The following VAV3 variants were observed in gnomAD, a reference collection of about 807,000 sequenced individuals.
The protein encoded by VAV3 is guanine nucleotide exchange factor VAV3.
Under a neutral mutation model 131.2 loss-of-function variants are expected in VAV3, and 94 were observed. The ratio of observed to expected loss-of-function variants is 0.72; its 90% CI spans 0.61 to 0.85. VAV3 has a LOEUF of 0.85. VAV3 is among the 40% of genes least tolerant of loss of function. The pLI, the probability that VAV3 is intolerant of heterozygous loss-of-function variation, is 0.00. For missense variants in VAV3, 939 were observed against 1,002.7 expected, an observed-to-expected ratio of 0.94 and a Z score of 0.86; for synonymous variants, 349 against 342.0, an observed-to-expected ratio of 1.02 and a Z score of -0.22.
chr1:107,950,678 G>A (rs1365487099), intron 1 of VAV3, among the ~76,000 whole-genome samples: 1 of 152,172 alleles, frequency 6.6e-6, no homozygotes, highest in Admixed American at 6.5e-5. Context: ...CTAGGAGTCA[G>A]GTGACTGGCA....
At chr1:107,834,552 A>C (rs1571017362) in intron 2 of VAV3, among the ~76,000 whole-genome samples, 1 of 151,980 alleles carries the variant, frequency 6.6e-6, no homozygotes, top group Non-Finnish European at 1.5e-5. Flanking sequence ...GCTCACATGG[A>C]ATAGTCATCA....
At chr1:107,798,523 T>G (rs1361678909) in intron 2 of VAV3, among the ~76,000 whole-genome samples, 1 of 151,646 alleles carries the variant, frequency 6.6e-6, no homozygotes, top group Non-Finnish European at 1.5e-5. Flanking sequence ...TCGAGACCAT[T>G]CTGGCTAACA....
chr1:107,657,924 C>T (rs1048894090), intron 19 of VAV3, among the ~76,000 whole-genome samples: 3 of 152,124 alleles, frequency 2.0e-5, no homozygotes, highest in Non-Finnish European at 2.9e-5. Context: ...GCTATTAGTA[C>T]AGCCATACGA....
At chr1:107,937,758 T>C (rs966056915) in intron 1 of VAV3, among the ~76,000 whole-genome samples, 2 of 152,234 alleles carry the variant, frequency 1.3e-5, no homozygotes, top group African/African-American at 2.4e-5. Context: ...TCTAAGACTC[T>C]GGTTAAGGCT....
chr1:107,884,405 TTTATTATTATTATTATTATTATTATTA>T (rs140793122), intron 1 of VAV3, among the ~76,000 whole-genome samples: 84 of 141,700 alleles, frequency 5.9e-4, no homozygotes, highest in Non-Finnish European at 1.1e-3. Context: ...AAATAAATTA[TTTATTATTATTATTATTATTATTATTA>T]TTATTATTAT....
At chr1:107,831,287 A>G (rs1668238698) in intron 2 of VAV3, among the ~76,000 whole-genome samples, 1 of 152,238 alleles carries the variant, frequency 6.6e-6, no homozygotes, top group Non-Finnish European at 1.5e-5. Flanking sequence ...TCTCTATACA[A>G]TAATACCAAT....
chr1:107,780,141 C>T (rs1032692034), intron 2 of VAV3, among the ~76,000 whole-genome samples: 1 of 152,214 alleles, frequency 6.6e-6, no homozygotes, highest in South Asian at 2.1e-4. Flanking sequence ...AAATACTTAA[C>T]TTCTCTGAGC....
intron 1 of VAV3, among the ~76,000 whole-genome samples, chr1:107,904,855 T>C (rs950146612): frequency 6.6e-6 from 1 of 152,178 alleles, no homozygotes; most frequent in African/African-American, 2.4e-5. Flanking sequence ...ATATTCAATA[T>C]TGATAAATGC....
At chr1:107,853,483 C>A (rs1232535832) in intron 2 of VAV3, among the ~76,000 whole-genome samples, 1 of 151,888 alleles carries the variant, frequency 6.6e-6, no homozygotes, top group Admixed American at 6.6e-5. Context: ...TTTTGAGATA[C>A]ACAAGTTTTC....
Position 107,964,953 on chromosome 1 carries a change from C to T in VAV3, c.-84G>A. ...CGCCGCCGCCGCGGTTCCTCCGCGCCCCGCCGACGCCAACAGCCGCCGGCC... is the reference window on the plus strand; with the variant it reads ...CGCCGCCGCCGCGGTTCCTCCGCGCTCCGCCGACGCCAACAGCCGCCGGCC... On this transcript the variant is annotated 5_prime_UTR_variant, in exon 1 of 27. Coordinates refer to ENST00000370056, the MANE Select transcript of VAV3 (RefSeq NM_006113.5). 8.8e-7 allele frequency: 1 copy of T among 1,136,108 alleles called. No homozygotes were observed. The highest frequency in any genetic ancestry group is 1.1e-6 in the Non-Finnish European group (1 of 904,616). 70.4% of individuals were successfully genotyped at this position (1,136,108 alleles called of 1,614,324 possible). A position where few individuals can be genotyped will look rare whatever the true frequency, so the allele number is the denominator to read the frequency against.
intron 23 of VAV3, 127 bp downstream of exon 23, chr1:107,602,920 G>C (rs770231511): frequency 7.1e-6 from 5 of 700,322 alleles, no homozygotes; most frequent in African/African-American, 1.8e-5. Context: ...TGAACTGTCT[G>C]GATAGATGCA....
chr1:107,576,571 A>C lies in VAV3; in HGVS notation c.2351-2373T>G, dbSNP rs181647393. 7.0e-5 allele frequency: 72 copies of C among 1,030,784 alleles called. No homozygotes were observed. The African/African-American group carries it at 1.1e-3, about 16-fold the overall frequency. 63.9% of individuals were successfully genotyped at this position (1,030,784 alleles called of 1,614,324 possible). On this transcript the variant is annotated intron_variant, in intron 25 of 26. Transcript: ENST00000370056. Reference sequence around the variant, plus strand: ...CATTTTCACCCACTTCTTTCCTATCACCATTTCTAAATGAAGAACAAGCCA... The same window carrying C: ...CATTTTCACCCACTTCTTTCCTATCCCCATTTCTAAATGAAGAACAAGCCA...
chr1:107,619,447 C>A (rs1391859630), intron 20 of VAV3, among the ~76,000 whole-genome samples: 1 of 152,054 alleles, frequency 6.6e-6, no homozygotes, highest in Non-Finnish European at 1.5e-5. Context: ...CAGTGAGATA[C>A]AAGTAAATAA....
In VAV3 at chr1:107,712,009, G is replaced by A. The variant is rs1003553472; in HGVS notation, c.1503-6948C>T. Among the ~76,000 whole-genome samples the A allele has an allele frequency of 1.2e-4, 19 of 152,012 alleles. 1 individual carries two copies. Among genetic ancestry groups the A allele is most frequent in the African/African-American group, 2.7e-4 (11 of 41,398 alleles). ...CAACGCATTCAATAAATTAAAAGCC[G>A]CATAGCAAGCTCCTAAATAAGAAAA... is the stretch of plus-strand genomic sequence containing the variant. On this transcript the variant is annotated intron_variant, in intron 15 of 26. Transcript: ENST00000370056.
intron 25 of VAV3, among the ~76,000 whole-genome samples, chr1:107,581,802 A>T (rs1650073653): frequency 6.6e-6 from 1 of 152,178 alleles, no homozygotes; most frequent in South Asian, 2.1e-4. Context: ...GCAGATGAAA[A>T]TTTACTCAGT....
chr1:107,853,809 G>C (rs1669341377), intron 2 of VAV3, among the ~76,000 whole-genome samples: 1 of 152,094 alleles, frequency 6.6e-6, no homozygotes, highest in Non-Finnish European at 1.5e-5. Flanking sequence ...AGTAAACCAA[G>C]AAACAGTATT....
At chr1:107,688,272 T>C in intron 18 of VAV3, 109 bp downstream of exon 18, 1 of 1,298,428 alleles carries the variant, frequency 7.7e-7, no homozygotes, top group East Asian at 2.5e-5. Context: ...TGTTTATTTC[T>C]ATTTATTTTA....
At chr1:107,617,474 G>T in intron 21 of VAV3, 93 bp downstream of exon 21, 3 of 990,138 alleles carry the variant, frequency 3.0e-6, no homozygotes, top group South Asian at 1.8e-5. Context: ...ATTAATAACT[G>T]ACCTGGCCAG....
At chr1:107,761,001 C>T (rs1256883167) in intron 9 of VAV3, 122 bp from the exon 10 acceptor site, 1 of 546,666 alleles carries the variant, frequency 1.8e-6, no homozygotes, top group African/African-American at 1.9e-5. Flanking sequence ...CAATCCTTCT[C>T]TGTAAATAAC....
Sources: allele counts gnomAD v4.1 joint callset (sites outside exome capture counted in the v4.1 genomes callset), GRCh38; gene constraint gnomAD v4.1.1; transcripts MANE v1.5; gene names NCBI Gene and HGNC (gene_info 2026-07-23, HGNC 2026-07-21).